CAMTA1: variants seen among roughly 807,000 people sequenced by gnomAD.
CAMTA1 encodes the protein calmodulin-binding transcription activator 1.
CAMTA1 carries 27 observed loss-of-function variants against 170.9 expected under a neutral mutation model. The observed-to-expected ratio is 0.16, with a 90% CI of 0.12 to 0.22. CAMTA1 has a LOEUF of 0.22. Ranked by LOEUF, CAMTA1 falls within the 10% of genes least tolerant of loss-of-function variation. The pLI is 1.00. For missense variants in CAMTA1, 1,619 were observed against 2,217.2 expected (o/e 0.73, Z 5.42); for synonymous variants, 833 against 891.5 (o/e 0.93, Z 1.17).
intron 3 of CAMTA1, among the ~76,000 whole-genome samples, chr1:6,862,862 G>C (rs1665259747): frequency 1.3e-5 from 2 of 152,000 alleles, no homozygotes; most frequent in South Asian, 4.2e-4. Flanking sequence ...CCCTTGTTTT[G>C]GAAAGAAGAG....
At chr1:7,689,598 G>T (rs537676527) in intron 11 of CAMTA1, among the ~76,000 whole-genome samples, 1 of 152,186 alleles carries the variant, frequency 6.6e-6, no homozygotes, top group South Asian at 2.1e-4. Context: ...AAAAATCAGT[G>T]GCAGAGGGAA....
intron 4 of CAMTA1, among the ~76,000 whole-genome samples, chr1:7,243,389 T>C (rs531800348): frequency 2.0e-5 from 3 of 152,350 alleles, no homozygotes; most frequent in South Asian, 4.1e-4. Context: ...TAATCCATCT[T>C]GAATTAATTT....
chr1:7,720,141 T>TTCA (rs2096639889), intron 11 of CAMTA1, among the ~76,000 whole-genome samples: 1 of 152,214 alleles, frequency 6.6e-6, no homozygotes, highest in Non-Finnish European at 1.5e-5. Flanking sequence ...TGTGCAGGCA[T>TTCA]TCATATTCAT....
chr1:7,737,035 C>A (rs376975910), intron 14 of CAMTA1, 26 bp downstream of exon 14: 19 of 1,557,498 alleles, frequency 1.2e-5, no homozygotes, highest in Non-Finnish European at 1.7e-5. Context: ...CTGTAGCCCC[C>A]CCTTGCTGTT....
chr1:7,545,293 G>C (rs1285528601), intron 6 of CAMTA1, among the ~76,000 whole-genome samples: 2 of 152,068 alleles, frequency 1.3e-5, no homozygotes, highest in Non-Finnish European at 2.9e-5. Context: ...CACCCCCCAA[G>C]TATTTTAGCA....
At chr1:7,075,322 A>G (rs941617916) in intron 3 of CAMTA1, among the ~76,000 whole-genome samples, 1 of 152,186 alleles carries the variant, frequency 6.6e-6, no homozygotes, top group African/African-American at 2.4e-5. Flanking sequence ...ACATATATTC[A>G]TTTATGATGA....
intron 3 of CAMTA1, among the ~76,000 whole-genome samples, chr1:6,972,321 A>G (rs910183353): frequency 1.3e-5 from 2 of 152,206 alleles, no homozygotes; most frequent in Admixed American, 6.5e-5. Flanking sequence ...GTTGCCTTTA[A>G]TAAAGGCAGA....
chr1:7,559,190 G>A (rs72865475), intron 6 of CAMTA1, among the ~76,000 whole-genome samples: 2,330 of 152,278 alleles, frequency 0.015, 59 homozygotes, highest in African/African-American at 0.053. Context: ...AGAGGGGCCC[G>A]AGTGGTAGCC....
At chr1:7,723,973 C>A (rs551074842) in intron 11 of CAMTA1, among the ~76,000 whole-genome samples, 1 of 152,334 alleles carries the variant, frequency 6.6e-6, no homozygotes, top group South Asian at 2.1e-4. Flanking sequence ...GTGCCCACCA[C>A]CACACCCGGC....
At chr1:7,527,005 ACCCCCACGGCTATCACCGGGG>A (rs777671202) in intron 6 of CAMTA1, among the ~76,000 whole-genome samples, 11 of 151,656 alleles carry the variant, frequency 7.3e-5, no homozygotes, top group South Asian at 2.1e-4. Flanking sequence ...AGGTCTCTCC[ACCCCCACGGCTATCACCGGGG>A]CATGCAGACC....
intron 5 of CAMTA1, among the ~76,000 whole-genome samples, chr1:7,302,532 C>T (rs1197440304): frequency 6.6e-6 from 1 of 152,208 alleles, no homozygotes; most frequent in Non-Finnish European, 1.5e-5. Flanking sequence ...AATTTTTACA[C>T]ACCGCTAAAT....
At position 7,616,840 on chromosome 1, in the gene CAMTA1, T is replaced by C. The variant is rs553914621; in HGVS notation, c.511-23560T>C. On this transcript the variant is annotated intron_variant, in intron 6 of 22. Transcript: ENST00000303635. Reference sequence around the variant, plus strand: ...CAAATAAAGTAATAAAACAGAGAGATATACCCTATGACAGCAGGGAGATAA... The same window carrying C: ...CAAATAAAGTAATAAAACAGAGAGACATACCCTATGACAGCAGGGAGATAA... Among the ~76,000 whole-genome samples the C allele has an allele frequency of 2.6e-5, 4 of 152,246 alleles. No homozygotes were observed. The South Asian group carries it at 8.3e-4, about 32-fold the overall frequency.
At chr1:7,180,726 G>A (rs984537901) in intron 4 of CAMTA1, among the ~76,000 whole-genome samples, 1 of 151,892 alleles carries the variant, frequency 6.6e-6, no homozygotes, top group Admixed American at 6.6e-5. Context: ...TGCCCAGGCT[G>A]GTCTTGAGCA....
At chr1:7,670,660 G>A (rs1318951237) in intron 9 of CAMTA1, among the ~76,000 whole-genome samples, 1 of 152,202 alleles carries the variant, frequency 6.6e-6, no homozygotes, top group Admixed American at 6.5e-5. Context: ...TCAGGGGTTG[G>A]AGCTGCCGGT....
At chr1:7,358,010 G>A (rs2085254748) in intron 5 of CAMTA1, among the ~76,000 whole-genome samples, 1 of 152,224 alleles carries the variant, frequency 6.6e-6, no homozygotes, top group Non-Finnish European at 1.5e-5. Flanking sequence ...CTGCTTGTGT[G>A]CTGGAGGGAT....
chr1:7,509,028 C>T (rs978428376), intron 6 of CAMTA1, among the ~76,000 whole-genome samples: 7 of 152,178 alleles, frequency 4.6e-5, no homozygotes, highest in Non-Finnish European at 7.4e-5. Context: ...CCTCCCTTCC[C>T]GGGTCTGTCC....
intron 5 of CAMTA1, among the ~76,000 whole-genome samples, chr1:7,258,265 A>G (rs1299418318): frequency 6.6e-6 from 1 of 152,192 alleles, no homozygotes; most frequent in Non-Finnish European, 1.5e-5. Context: ...AATACATACA[A>G]TATTTTGTAA....
chr1:7,157,344 C>A (rs1323704432), intron 4 of CAMTA1, among the ~76,000 whole-genome samples: 1,123 of 99,412 alleles, frequency 0.011, no homozygotes, highest in Middle Eastern at 0.023. Flanking sequence ...GACTCTGTCT[C>A]AAAAAAAAAA....
intron 19 of CAMTA1, among the ~76,000 whole-genome samples, chr1:7,749,289 C>G (rs2096878695): frequency 6.6e-6 from 1 of 152,124 alleles, no homozygotes; most frequent in Admixed American, 6.5e-5. Context: ...TCAAGCTTCT[C>G]TAGGATTAAG....
Sources: gnomAD v4.1 joint callset for allele counts (sites outside exome capture counted in the v4.1 genomes callset) on GRCh38, gnomAD v4.1.1 for gene constraint, MANE v1.5 for transcripts, NCBI Gene and HGNC (gene_info 2026-07-23, HGNC 2026-07-21) for gene names.